MYRIP: variants seen among roughly 807,000 people sequenced by gnomAD.
MYRIP encodes the protein myosin VIIA and Rab interacting protein.
In MYRIP, 49 loss-of-function variants were observed where a neutral mutation model predicts 98.0. The ratio of observed to expected loss-of-function variants is 0.50; its 90% CI spans 0.40 to 0.63. MYRIP has a LOEUF of 0.63. Among genes scored for constraint, MYRIP ranks in the 30% least tolerant of loss-of-function variants. The pLI is 0.00. For synonymous variants in MYRIP, 404 were observed against 409.5 expected, an observed-to-expected ratio of 0.99 and a Z score of 0.16; for missense variants, 1,004 against 1,058.2, an observed-to-expected ratio of 0.95 and a Z score of 0.71.
chr3:39,818,827 T>C (rs1055224147), intron 1 of MYRIP, among the ~76,000 whole-genome samples: 1 of 152,186 alleles, frequency 6.6e-6, no homozygotes, highest in African/African-American at 2.4e-5. Flanking sequence ...GTGACAATAC[T>C]AATTTAAATT....
chr3:40,131,720 A>G (rs186116441), intron 3 of MYRIP, among the ~76,000 whole-genome samples: 1 of 152,308 alleles, frequency 6.6e-6, no homozygotes, highest in East Asian at 1.9e-4. Flanking sequence ...TTGCTACATT[A>G]TCTTTCAGGG....
chr3:40,061,272 C>A (rs1255205830), intron 3 of MYRIP, among the ~76,000 whole-genome samples: 1 of 152,168 alleles, frequency 6.6e-6, no homozygotes, highest in Non-Finnish European at 1.5e-5. Flanking sequence ...GTCTGTTTTT[C>A]CCTTCCTCGT....
intron 2 of MYRIP, among the ~76,000 whole-genome samples, chr3:40,037,380 A>G (rs1575485486): frequency 6.6e-6 from 1 of 152,026 alleles, no homozygotes; most frequent in Non-Finnish European, 1.5e-5. Context: ...GTAGCTGTCT[A>G]TTTAGGAATA....
At chr3:40,200,288 T>A (rs972937875) in intron 10 of MYRIP, among the ~76,000 whole-genome samples, 19 of 151,366 alleles carry the variant, frequency 1.3e-4, no homozygotes, top group African/African-American at 1.9e-4. Context: ...CAAAAAAAAA[T>A]TTTGTTATGT....
intron 15 of MYRIP, among the ~76,000 whole-genome samples, chr3:40,250,770 G>C (rs1953350971): frequency 1.3e-5 from 2 of 152,244 alleles, no homozygotes; most frequent in South Asian, 4.1e-4. Flanking sequence ...ACTTGAATTA[G>C]GAGTTATTTC....
chr3:40,223,285 G>GA (rs1306411522), intron 11 of MYRIP, among the ~76,000 whole-genome samples: 3 of 151,966 alleles, frequency 2.0e-5, no homozygotes, highest in Non-Finnish European at 4.4e-5. Context: ...GAAATGTTTA[G>GA]AAAAAATAAA....
chr3:40,106,653 G>A (rs1165272223), intron 3 of MYRIP, among the ~76,000 whole-genome samples: 1 of 152,086 alleles, frequency 6.6e-6, no homozygotes, highest in Non-Finnish European at 1.5e-5. Context: ...CAGAGAGTGA[G>A]AGAGCTTTTG....
At chr3:39,883,897 C>G (rs971635336) in intron 1 of MYRIP, among the ~76,000 whole-genome samples, 1 of 151,910 alleles carries the variant, frequency 6.6e-6, no homozygotes, top group Admixed American at 6.6e-5. Flanking sequence ...AAAACAGATT[C>G]AAAAAGAGTT....
chr3:40,164,571 C>T (rs1465801097), intron 5 of MYRIP, among the ~76,000 whole-genome samples: 1 of 152,164 alleles, frequency 6.6e-6, no homozygotes, highest in East Asian at 1.9e-4. Context: ...TAAAGAATAC[C>T]TTCATGGCAA....
chr3:40,142,981 A>G (rs917608713), intron 3 of MYRIP, among the ~76,000 whole-genome samples: 6 of 152,180 alleles, frequency 3.9e-5, no homozygotes, highest in Non-Finnish European at 7.3e-5. Flanking sequence ...TTTCTCACAC[A>G]TTTGTGGGAA....
intron 3 of MYRIP, among the ~76,000 whole-genome samples, chr3:40,100,506 A>G (rs1247265745): frequency 6.6e-6 from 1 of 152,238 alleles, no homozygotes; most frequent in African/African-American, 2.4e-5. Flanking sequence ...ATGGGTGGAA[A>G]AAGTATTTCT....
chr3:39,901,156 C>T (rs893585752), intron 2 of MYRIP, among the ~76,000 whole-genome samples: 1 of 152,226 alleles, frequency 6.6e-6, no homozygotes, highest in Non-Finnish European at 1.5e-5. Context: ...CCCTGTATGT[C>T]ATTACTAGCT....
intron 2 of MYRIP, among the ~76,000 whole-genome samples, chr3:40,036,769 G>C (rs1447926142): frequency 2.6e-5 from 4 of 152,098 alleles, no homozygotes; most frequent in African/African-American, 9.7e-5. Context: ...GCAGGCCCTA[G>C]TCTTCTTCAT....
intron 3 of MYRIP, among the ~76,000 whole-genome samples, chr3:40,098,428 T>C (rs181541879): frequency 2.1e-3 from 321 of 152,346 alleles, no homozygotes; most frequent in Non-Finnish European, 2.3e-3. Context: ...CTGTGGGTAG[T>C]TGGCAGTGGG....
chr3:40,020,058 G>T (rs1475444616), intron 2 of MYRIP, among the ~76,000 whole-genome samples: 2 of 152,166 alleles, frequency 1.3e-5, no homozygotes, highest in African/African-American at 4.8e-5. Flanking sequence ...ATTGCATGAT[G>T]CTGAGATTTG....
chr3:39,989,678 C>G (rs536694293), intron 2 of MYRIP, among the ~76,000 whole-genome samples: 192 of 152,332 alleles, frequency 1.3e-3, no homozygotes, highest in African/African-American at 4.1e-3. Flanking sequence ...GGGCTCAGGC[C>G]CAGGGAGATC....
In MYRIP at chr3:40,146,140, TAGC is replaced by T. The variant is rs1025729758; in HGVS notation, c.333-4905_333-4903del. Reference sequence around the variant, plus strand: ...TCATAGAGAATTATATATCACTAAATAGCAGGTACAAAGAAGTATTCTGTAAAA... The same window carrying T: ...TCATAGAGAATTATATATCACTAAATAGGTACAAAGAAGTATTCTGTAAAA... On this transcript the variant is annotated intron_variant, in intron 3 of 16. Transcript: ENST00000302541. Among the ~76,000 whole-genome samples the T allele has an allele frequency of 9.4e-4, 143 of 152,316 alleles. 1 individual carries two copies. The highest frequency in any genetic ancestry group is 3.4e-3 in the African/African-American group (140 of 41,562).
intron 3 of MYRIP, among the ~76,000 whole-genome samples, chr3:40,112,243 T>C (rs926842523): frequency 2.1e-5 from 2 of 93,524 alleles, no homozygotes; most frequent in African/African-American, 8.6e-5. Flanking sequence ...TAATATCTCA[T>C]GAGGGGGTGG....
chr3:39,810,067 C>G (rs1940617494), intron 1 of MYRIP, among the ~76,000 whole-genome samples, 151 bp downstream of exon 1: 1 of 152,218 alleles, frequency 6.6e-6, no homozygotes, highest in African/African-American at 2.4e-5. Context: ...GCCAGGAACC[C>G]TAGGCGCGGC....
Sources: allele counts gnomAD v4.1 joint callset (sites outside exome capture counted in the v4.1 genomes callset), GRCh38; gene constraint gnomAD v4.1.1; transcripts MANE v1.5; gene names NCBI Gene and HGNC (gene_info 2026-07-23, HGNC 2026-07-21).